The following SEC24D variants were observed in gnomAD, a reference collection of about 807,000 sequenced individuals.
SEC24D encodes protein transport protein Sec24D.
In SEC24D, 69 loss-of-function variants were observed where a neutral mutation model predicts 116.9. The observed-to-expected ratio is 0.59, with a 90% CI of 0.49 to 0.72. SEC24D has a LOEUF of 0.72. SEC24D is among the 30% of genes least tolerant of loss of function. The pLI is 0.00. For synonymous variants in SEC24D, 405 were observed against 442.8 expected, an observed-to-expected ratio of 0.91 and a Z score of 1.07; for missense variants, 1,131 against 1,264.1, an observed-to-expected ratio of 0.89 and a Z score of 1.60.
intron 8 of SEC24D, among the ~76,000 whole-genome samples, chr4:118,795,207 CTT>C (rs776443339): frequency 5.6e-5 from 8 of 142,606 alleles, no homozygotes; most frequent in Non-Finnish European, 3.1e-5. Context: ...CACATAAAAA[CTT>C]TTTTTTTTTT....
intron 8 of SEC24D, among the ~76,000 whole-genome samples, chr4:118,793,233 C>T (rs532028871): frequency 2.0e-5 from 3 of 151,722 alleles, no homozygotes; most frequent in East Asian, 1.9e-4. Context: ...TTTGGGAGGC[C>T]GAGGCGGGCG....
chr4:118,825,664 G>A (rs1204349273), intron 2 of SEC24D: 1 of 421,136 alleles, frequency 2.4e-6, no homozygotes, highest in Non-Finnish European at 4.6e-6. Flanking sequence ...ACCTCTTCTA[G>A]CTTCTAGAAA....
At chr4:118,775,727 T>G (rs569034743) in intron 8 of SEC24D, among the ~76,000 whole-genome samples, 1 of 152,304 alleles carries the variant, frequency 6.6e-6, no homozygotes, top group South Asian at 2.1e-4. Flanking sequence ...TATTTCACCA[T>G]TCACTAAAAT....
chr4:118,835,150 G>C (rs1244209156), intron 1 of SEC24D, among the ~76,000 whole-genome samples: 1 of 152,166 alleles, frequency 6.6e-6, no homozygotes, highest in Non-Finnish European at 1.5e-5. Flanking sequence ...CCAACCAAGA[G>C]CACTTAGGAA....
At chr4:118,770,214 T>C (rs2110475332) in intron 8 of SEC24D, among the ~76,000 whole-genome samples, 2 of 152,316 alleles carry the variant, frequency 1.3e-5, no homozygotes, top group Non-Finnish European at 2.9e-5. Context: ...ATCTGATGTA[T>C]ACACCACTCT....
At chr4:118,802,789 C>A (rs894692229) in intron 7 of SEC24D, among the ~76,000 whole-genome samples, 1 of 152,086 alleles carries the variant, frequency 6.6e-6, no homozygotes, top group Non-Finnish European at 1.5e-5. Context: ...GATACTTGTA[C>A]GTAAATATCC....
chr4:118,796,937 T>A (rs1410884388), intron 8 of SEC24D, among the ~76,000 whole-genome samples: 3 of 152,190 alleles, frequency 2.0e-5, no homozygotes, highest in Admixed American at 2.0e-4. Flanking sequence ...TGGGTTATGG[T>A]CACAGCTCCA....
chr4:118,783,017 C>G (rs900018193), intron 8 of SEC24D, among the ~76,000 whole-genome samples: 11 of 152,180 alleles, frequency 7.2e-5, no homozygotes, highest in Non-Finnish European at 1.5e-4. Context: ...GTCACGGCTT[C>G]CCTTGGCTAG....
At chr4:118,750,000 T>C (rs1726741905) in intron 13 of SEC24D, among the ~76,000 whole-genome samples, 1 of 152,246 alleles carries the variant, frequency 6.6e-6, no homozygotes. Context: ...TCCTGAGTTG[T>C]TATATATTTA....
chr4:118,795,814 T>A (rs1230746050), intron 8 of SEC24D, among the ~76,000 whole-genome samples: 2 of 152,252 alleles, frequency 1.3e-5, no homozygotes, highest in East Asian at 1.9e-4. Flanking sequence ...CTTTCTGGGG[T>A]GGCAATTATG....
chr4:118,810,272 C>G (rs1289759894), intron 6 of SEC24D, among the ~76,000 whole-genome samples: 3 of 152,064 alleles, frequency 2.0e-5, no homozygotes, highest in Admixed American at 2.0e-4. Flanking sequence ...ATGACTCTGG[C>G]TGCTCTGTGC....
intron 15 of SEC24D, among the ~76,000 whole-genome samples, chr4:118,741,801 C>T (rs988610224): frequency 1.3e-5 from 2 of 152,154 alleles, no homozygotes; most frequent in Middle Eastern, 3.2e-3. Context: ...CCTTTAGTTG[C>T]TTACATACAA....
In SEC24D at chr4:118,732,873, T is replaced by C. The variant is rs34510328; in HGVS notation, c.2536A>G (p.Met846Val). The change falls in exon 20 of 23, where the codon ATG (methionine) becomes GTG (valine). Residue 846 changes from methionine to valine, a missense_variant. By Grantham distance (21) the Met-to-Val change is conservative (BLOSUM62 1). Transcript: ENST00000280551. The part of the protein sequence containing the change: ...PDSMKVLPVY[M>V]NCLLKNCVLL... ...ACACAGTTTTTCAACAAGCAATTCA[T>C]GTACACTGGCAATACTTTCATGGAA... 7.3e-4 allele frequency: 1,186 copies of C among 1,614,026 alleles called. 4 individuals carry two copies. The African/African-American group carries it at 0.014, about 19-fold the overall frequency.
intron 15 of SEC24D, among the ~76,000 whole-genome samples, chr4:118,743,446 G>A (rs1444614092): frequency 6.6e-6 from 1 of 151,916 alleles, no homozygotes; most frequent in African/African-American, 2.4e-5. Context: ...TCCACCAGAT[G>A]CTCAAGTCCC....
chr4:118,732,626 A>T, intron 20 of SEC24D, 107 bp downstream of exon 20: 1 of 1,121,106 alleles, frequency 8.9e-7, no homozygotes, highest in Non-Finnish European at 1.3e-6. Context: ...TTGTGACTTT[A>T]ACTTTCCTCT....
intron 2 of SEC24D, among the ~76,000 whole-genome samples, chr4:118,832,343 T>C (rs1026893102): frequency 1.4e-4 from 21 of 152,102 alleles, no homozygotes. Flanking sequence ...GACAGCACAA[T>C]GTCTACTGCA....
chr4:118,752,299 T>C (rs909781642), intron 12 of SEC24D, among the ~76,000 whole-genome samples: 3 of 152,242 alleles, frequency 2.0e-5, no homozygotes, highest in Admixed American at 6.5e-5. Context: ...AATCATTCTT[T>C]GTAGATATTT....
At chr4:118,792,761 G>C (rs964742478) in intron 8 of SEC24D, among the ~76,000 whole-genome samples, 4 of 152,022 alleles carry the variant, frequency 2.6e-5, no homozygotes, top group African/African-American at 9.7e-5. Context: ...TGCGGAAGGC[G>C]GCAGGGCCCT....
intron 7 of SEC24D, among the ~76,000 whole-genome samples, chr4:118,801,810 G>A (rs935279121): frequency 1.3e-5 from 2 of 152,198 alleles, no homozygotes; most frequent in Non-Finnish European, 2.9e-5. Flanking sequence ...AAAAGCAATT[G>A]AGAATTTGTT....
Sources: allele counts gnomAD v4.1 joint callset (sites outside exome capture counted in the v4.1 genomes callset), GRCh38; gene constraint gnomAD v4.1.1; transcripts MANE v1.5; gene names NCBI Gene and HGNC (gene_info 2026-07-23, HGNC 2026-07-21).